Variants in IQUB observed in about 807,000 individuals in gnomAD.
IQUB encodes IQ motif and ubiquitin domain containing, also known as IQ motif and ubiquitin-like domain-containing protein.
A neutral mutation model predicts 86.4 loss-of-function variants in IQUB; 86 were observed. The ratio of observed to expected loss-of-function variants is 1.00; its 90% confidence interval spans 0.84 to 1.19. IQUB has a LOEUF of 1.19. Ranked by LOEUF, IQUB falls within the 50% of genes most tolerant of loss-of-function variation. IQUB has a pLI of 0.00. For missense variants in IQUB, 946 were observed against 916.9 expected, an observed-to-expected ratio of 1.03 and a Z score of -0.41; for synonymous variants, 289 against 304.5, an observed-to-expected ratio of 0.95 and a Z score of 0.53.
intron 1 of IQUB, among the ~76,000 whole-genome samples, chr7:123,512,986 CA>C (rs1796491320): frequency 6.6e-6 from 1 of 152,136 alleles, no homozygotes; most frequent in African/African-American, 2.4e-5. Context: ...GCTGCAGATG[CA>C]GGAGCTAAAT....
intron 1 of IQUB, among the ~76,000 whole-genome samples, chr7:123,530,672 A>ATTTTTTTT (rs377272603): frequency 7.0e-5 from 7 of 99,456 alleles, no homozygotes; most frequent in East Asian, 3.0e-4. Context: ...TTGCTCTTTG[A>ATTTTTTTT]TTTTTTTTTT....
intron 10 of IQUB, among the ~76,000 whole-genome samples, chr7:123,464,078 G>A (rs1794133651): frequency 6.6e-6 from 1 of 151,626 alleles, no homozygotes; most frequent in Non-Finnish European, 1.5e-5. Flanking sequence ...TTTCAAAAAA[G>A]CTAAAGATGT....
At chr7:123,460,781 T>TTCAGG in intron 11 of IQUB, among the ~76,000 whole-genome samples, 1 of 151,990 alleles carries the variant, frequency 6.6e-6, no homozygotes, top group East Asian at 1.9e-4. Flanking sequence ...AAGTTAGGAA[T>TTCAGG]TCAGGTCAGA....
In IQUB at chr7:123,497,426, A is replaced by G. The variant is rs963577831; in HGVS notation, c.1024-520T>C. Among the ~76,000 whole-genome samples, 6 of 152,252 alleles carry G rather than the reference A, an allele frequency of 3.9e-5. No homozygotes were observed. In the East Asian group the frequency reaches 1.2e-3, roughly 29 times the overall value. On this transcript the variant is annotated intron_variant, in intron 6 of 12. Coordinates refer to ENST00000324698, the MANE Select transcript of IQUB (RefSeq NM_178827.5). ...CAAAACTGTGTTTTCCTAAATACAC[A>G]TCAGGTAGGTATGTGTGGAAACCAC...
At position 123,518,158 on chromosome 7, in the gene IQUB, C is replaced by G. The variant is rs144243066; in HGVS notation, c.-4-5814G>C. Among the ~76,000 whole-genome samples, 144 of 148,954 alleles carry G rather than the reference C, an allele frequency of 9.7e-4. 3 individuals are homozygous for G. In the East Asian group the frequency reaches 0.022, roughly 23 times the overall value. On this transcript the variant is annotated intron_variant, in intron 1 of 12. Coordinates refer to ENST00000324698, the MANE Select transcript of IQUB (RefSeq NM_178827.5). ...TCATCCTTTTATTTTTTTTTTCTTT[C>G]GCTCACCCATTATCCAGCCACTCAA...
intron 9 of IQUB, among the ~76,000 whole-genome samples, chr7:123,466,512 C>G (rs1794270657): frequency 6.6e-6 from 1 of 152,102 alleles, no homozygotes; most frequent in African/African-American, 2.4e-5. Flanking sequence ...ACTACACAAA[C>G]ATCTTTGAAA....
intron 1 of IQUB, among the ~76,000 whole-genome samples, chr7:123,528,703 T>C (rs188876507): frequency 6.6e-6 from 1 of 152,324 alleles, no homozygotes; most frequent in East Asian, 1.9e-4. Flanking sequence ...AGGTTAGTGG[T>C]AGTCAGATCC....
rs765255427 is a variant in IQUB at position 123,496,882 on chromosome 7, T to C, written c.1048A>G (p.Arg350Gly). 8 of 1,611,298 alleles carry C rather than the reference T, an allele frequency of 5.0e-6. No homozygotes were observed. In the Admixed American group the frequency reaches 1.3e-4, roughly 27 times the overall value. The part of the protein sequence containing the change: ...KAVIVIQTYY[R>G]QWHAKIFVEN... Reference sequence around the variant, plus strand: ...ACGAAGATTTTAGCATGCCATTGCCTGTAGTAAGTCTGTATCACTATCACC... The same window carrying C: ...ACGAAGATTTTAGCATGCCATTGCCCGTAGTAAGTCTGTATCACTATCACC... The change falls in exon 7 of 13, where the codon AGG (arginine) becomes GGG (glycine). Residue 350 changes from arginine (R) to glycine (G), a missense_variant. Transcript: ENST00000324698.
At chr7:123,459,227 C>T (rs1793867177) in intron 11 of IQUB, among the ~76,000 whole-genome samples, 1 of 151,870 alleles carries the variant, frequency 6.6e-6, no homozygotes, top group Non-Finnish European at 1.5e-5. Flanking sequence ...CAATGCTCCC[C>T]TAGAATTTTT....
chr7:123,481,414 A>G (rs1794997177), intron 7 of IQUB, among the ~76,000 whole-genome samples: 1 of 151,990 alleles, frequency 6.6e-6, no homozygotes, highest in Admixed American at 6.6e-5. Context: ...ACAAACTGCT[A>G]CCTCCCCTCT....
intron 1 of IQUB, among the ~76,000 whole-genome samples, chr7:123,531,503 A>T (rs537037837): frequency 4.6e-5 from 7 of 152,114 alleles, no homozygotes; most frequent in Non-Finnish European, 7.4e-5. Context: ...GGTCTCCGTC[A>T]AATGAAAAGT....
At chr7:123,471,480 T>G (rs1461909064) in intron 8 of IQUB, among the ~76,000 whole-genome samples, 1 of 152,194 alleles carries the variant, frequency 6.6e-6, no homozygotes, top group Admixed American at 6.5e-5. Context: ...ATGCAATTGC[T>G]TTTCTTCCAG....
In IQUB at chr7:123,452,806, G is replaced by A. The variant is rs1793488587; in HGVS notation, c.2313C>T (p.Ile771=). The change falls in exon 13 of 13, where the codon ATC becomes ATT. Residue 771 remains isoleucine (I), a synonymous_variant. Coordinates refer to ENST00000324698, the MANE Select transcript of IQUB (RefSeq NM_178827.5). The stretch of plus-strand genomic sequence containing the variant: ...TTGTGTCTGAGTGATACTTCCATCT[G>A]ATCTCATCAATTTCACCATCATCAA... The part of the protein sequence containing the change: ...FILDDGEIDE[I]RWKYHSDTTP... 1 of 1,613,424 alleles carries A rather than the reference G, an allele frequency of 6.2e-7. No individual in the cohort carries two copies.
At chr7:123,527,751 T>G (rs55946089) in intron 1 of IQUB, among the ~76,000 whole-genome samples, 41,221 of 151,218 alleles carry the variant, frequency 0.27, 5,715 homozygotes, top group East Asian at 0.32. Context: ...GTCTGCAGAG[T>G]TTACTGCTGT....
chr7:123,525,743 G>A (rs1401823562), intron 1 of IQUB, among the ~76,000 whole-genome samples: 1 of 151,932 alleles, frequency 6.6e-6, no homozygotes, highest in East Asian at 1.9e-4. Flanking sequence ...CCTTCTGCTA[G>A]CTTTTGAAAG....
intron 1 of IQUB, among the ~76,000 whole-genome samples, chr7:123,524,934 C>A (rs904276536): frequency 6.6e-6 from 1 of 151,682 alleles, no homozygotes; most frequent in South Asian, 2.1e-4. Flanking sequence ...TTGTCAAAGG[C>A]CTTTTCTGCA....
rs1036964174 is a variant in IQUB at position 123,499,863 on chromosome 7, G to C, written c.1023+2734C>G. ...GACAGCTAGGCATTGTAAGCCACAG[G>C]ATAAGATAAGAGGTCAGTACAAGAT... On this transcript the variant is annotated intron_variant, in intron 6 of 12. Transcript: ENST00000324698. Among the ~76,000 whole-genome samples the C allele has an allele frequency of 2.0e-5, 3 of 152,134 alleles. No homozygotes were observed. The East Asian group carries it at 5.8e-4, about 29-fold the overall frequency.
chr7:123,493,344 T>G (rs1386198091), intron 7 of IQUB, among the ~76,000 whole-genome samples: 1 of 152,092 alleles, frequency 6.6e-6, no homozygotes, highest in Non-Finnish European at 1.5e-5. Flanking sequence ...TTCAAATCTC[T>G]CCTAGCCCTT....
intron 1 of IQUB, among the ~76,000 whole-genome samples, chr7:123,523,724 A>C (rs1797029250): frequency 6.6e-6 from 1 of 151,872 alleles, no homozygotes. Context: ...CCCATTTGTC[A>C]ATTTTTACTT....
Sources: gnomAD v4.1 joint callset for allele counts (sites outside exome capture counted in the v4.1 genomes callset) on GRCh38, gnomAD v4.1.1 for gene constraint, MANE v1.5 for transcripts, NCBI Gene and HGNC (gene_info 2026-07-23, HGNC 2026-07-21) for gene names.